Variants in RAD51B observed in about 807,000 individuals in gnomAD.
The protein encoded by RAD51B is DNA repair protein RAD51 homolog 2.
A neutral mutation model predicts 42.2 loss-of-function variants in RAD51B; 38 were observed. The ratio of observed to expected loss-of-function variants is 0.90; its 90% CI spans 0.70 to 1.18. The LOEUF (loss-of-function observed/expected upper bound fraction) is 1.18. Among genes scored for constraint, RAD51B ranks in the 50% most tolerant of loss-of-function variants. RAD51B has a pLI of 0.00. For synonymous variants in RAD51B, 154 were observed against 145.2 expected (o/e 1.06, Z -0.43); for missense variants, 373 against 400.7 (o/e 0.93, Z 0.59).
intron 9 of RAD51B, among the ~76,000 whole-genome samples, chr14:68,445,284 C>G (rs1348108608): frequency 6.6e-6 from 1 of 152,106 alleles, no homozygotes; most frequent in Non-Finnish European, 1.5e-5. Context: ...CTTAAACTTT[C>G]TTTCCTTCAG....
intron 11 of RAD51B, among the ~76,000 whole-genome samples, chr14:68,656,151 G>A (rs1566965363): frequency 6.6e-6 from 1 of 152,160 alleles, no homozygotes; most frequent in Admixed American, 6.5e-5. Context: ...AGGGGCTCGG[G>A]CTGGGCAAAA....
At chr14:67,855,291 T>C (rs1217589691) in intron 4 of RAD51B, among the ~76,000 whole-genome samples, 3 of 151,924 alleles carry the variant, frequency 2.0e-5, no homozygotes, top group Admixed American at 6.6e-5. Flanking sequence ...AGTGCAGTGG[T>C]GCGATCTCGG....
downstream of RAD51B, among the ~76,000 whole-genome samples, chr14:68,596,616 T>A (rs891091861): frequency 6.6e-6 from 1 of 152,156 alleles, no homozygotes; most frequent in Non-Finnish European, 1.5e-5. Flanking sequence ...AAGGGAGTAA[T>A]AAATGAGTTC....
At chr14:67,931,290 G>T (rs146605265) in intron 7 of RAD51B, among the ~76,000 whole-genome samples, 25 of 152,118 alleles carry the variant, frequency 1.6e-4, no homozygotes, top group African/African-American at 5.8e-4. Flanking sequence ...TTAGTCTATT[G>T]TTGATGCTTT....
chr14:68,079,807 A>G (rs1035631238), intron 7 of RAD51B, among the ~76,000 whole-genome samples: 3 of 152,228 alleles, frequency 2.0e-5, no homozygotes, highest in Admixed American at 2.0e-4. Context: ...TCTGTTTTCA[A>G]GAAAGATTTA....
chr14:68,207,527 A>G (rs987232422), intron 7 of RAD51B, among the ~76,000 whole-genome samples: 3 of 152,228 alleles, frequency 2.0e-5, no homozygotes, highest in African/African-American at 7.2e-5. Flanking sequence ...GAGTTTGCCA[A>G]ATCCAAAGGC....
chr14:68,460,778 C>T (rs1018925875), intron 9 of RAD51B, among the ~76,000 whole-genome samples: 1 of 152,124 alleles, frequency 6.6e-6, no homozygotes. Flanking sequence ...AAACCAAAGA[C>T]TTGACTTTGG....
chr14:67,856,935 T>C (rs914864638), intron 4 of RAD51B, among the ~76,000 whole-genome samples: 1 of 152,160 alleles, frequency 6.6e-6, no homozygotes, highest in Admixed American at 6.5e-5. Flanking sequence ...TTACTGGTGT[T>C]TTCGCTGTGT....
At chr14:68,167,643 C>T (rs1566699213) in intron 7 of RAD51B, among the ~76,000 whole-genome samples, 1 of 151,976 alleles carries the variant, frequency 6.6e-6, no homozygotes, top group South Asian at 2.1e-4. Context: ...TTAAAGTACT[C>T]AGATTAAGAT....
intron 9 of RAD51B, among the ~76,000 whole-genome samples, chr14:68,445,220 A>C (rs1455005226): frequency 2.0e-5 from 3 of 152,192 alleles, no homozygotes; most frequent in African/African-American, 4.8e-5. Flanking sequence ...AAGAGACTGC[A>C]GAATTCTCTT....
At chr14:68,237,748 T>G (rs914390869) in intron 7 of RAD51B, among the ~76,000 whole-genome samples, 45 of 146,132 alleles carry the variant, frequency 3.1e-4, no homozygotes, top group Admixed American at 1.7e-3. Flanking sequence ...TTTTTTTTTT[T>G]TTTTTTGAGA....
chr14:68,408,925 T>TTTC (rs2140074908), intron 8 of RAD51B, among the ~76,000 whole-genome samples: 1 of 151,908 alleles, frequency 6.6e-6, no homozygotes, highest in Admixed American at 6.6e-5. Context: ...CTTCCCCTCA[T>TTTC]CTCCTAAGGC....
chr14:68,388,505 A>G (rs1051725916), intron 8 of RAD51B, among the ~76,000 whole-genome samples: 5 of 152,234 alleles, frequency 3.3e-5, no homozygotes, highest in African/African-American at 4.8e-5. Context: ...AGGGACAATC[A>G]GAGACATATA....
chr14:68,624,244 G>A (rs1020274388), intron 10 of RAD51B, among the ~76,000 whole-genome samples: 5 of 152,016 alleles, frequency 3.3e-5, no homozygotes, highest in East Asian at 1.9e-4. Context: ...CCCCTTTGCC[G>A]ATCACTTTAC....
chr14:67,829,483 C>A (rs2040956545), intron 3 of RAD51B, among the ~76,000 whole-genome samples: 1 of 152,132 alleles, frequency 6.6e-6, no homozygotes, highest in Non-Finnish European at 1.5e-5. Flanking sequence ...ACCTCATGAT[C>A]CGCCCGCCTC....
At chr14:68,362,136 T>C (rs946519456) in intron 8 of RAD51B, among the ~76,000 whole-genome samples, 2 of 152,206 alleles carry the variant, frequency 1.3e-5, no homozygotes, top group South Asian at 4.1e-4. Flanking sequence ...ACTTCCCTCA[T>C]GGGATTGTTG....
intron 10 of RAD51B, among the ~76,000 whole-genome samples, chr14:68,530,446 C>CAAAAAAAAAAAAAAAAAAAAAAAAAAA (rs35454756): frequency 1.0e-4 from 7 of 67,844 alleles, no homozygotes; most frequent in Middle Eastern, 0.01. Flanking sequence ...GACCCTGTCT[C>CAAAAAAAAAAAAAAAAAAAAAAAAAAA]AAAAAAAAAA....
intron 9 of RAD51B, among the ~76,000 whole-genome samples, chr14:68,467,172 AG>A (rs2086007109): frequency 6.6e-6 from 1 of 152,248 alleles, no homozygotes; most frequent in African/African-American, 2.4e-5. Context: ...TAATTATTAG[AG>A]GTTCTGTAGA....
intron 8 of RAD51B, among the ~76,000 whole-genome samples, chr14:68,384,465 T>G (rs1395049321): frequency 6.6e-6 from 1 of 152,168 alleles, no homozygotes; most frequent in Non-Finnish European, 1.5e-5. Context: ...AAAAACCTTA[T>G]GAGAGGCACA....
Sources: gnomAD v4.1 joint callset for allele counts (sites outside exome capture counted in the v4.1 genomes callset) on GRCh38, gnomAD v4.1.1 for gene constraint, MANE v1.5 for transcripts, NCBI Gene and HGNC (gene_info 2026-07-23, HGNC 2026-07-21) for gene names.